THSD7B: variants seen among roughly 807,000 people sequenced by gnomAD.
THSD7B encodes the protein thrombospondin type-1 domain-containing protein 7B.
A neutral mutation model predicts 213.6 loss-of-function variants in THSD7B; 138 were observed. That is an observed-to-expected ratio of 0.65 (90% CI 0.56 to 0.74). The LOEUF (loss-of-function observed/expected upper bound fraction) is 0.74, where lower values mean the gene tolerates loss of function less well. THSD7B is among the 30% of genes least tolerant of loss of function. The pLI, the probability that THSD7B is intolerant of heterozygous loss-of-function variation, is 0.00. For synonymous variants in THSD7B, 742 were observed against 687.0 expected, an observed-to-expected ratio of 1.08 and a Z score of -1.25; for missense variants, 1,931 against 1,991.5, an observed-to-expected ratio of 0.97 and a Z score of 0.58.
chr2:136,866,308 A>T (rs1282694506), intron 1 of THSD7B, among the ~76,000 whole-genome samples: 1 of 152,136 alleles, frequency 6.6e-6, no homozygotes, highest in African/African-American at 2.4e-5. Context: ...TCCCGCAGAC[A>T]TCTTCTCATG....
At chr2:136,826,553 C>T (rs1365684187) in intron 1 of THSD7B, among the ~76,000 whole-genome samples, 3 of 152,200 alleles carry the variant, frequency 2.0e-5, no homozygotes, top group Non-Finnish European at 4.4e-5. Flanking sequence ...CTTCTCTCTT[C>T]TTCTCCAAGT....
At chr2:137,125,880 TCTC>T (rs1688621785) in intron 5 of THSD7B, among the ~76,000 whole-genome samples, 1 of 152,158 alleles carries the variant, frequency 6.6e-6, no homozygotes, top group Admixed American at 6.5e-5. Flanking sequence ...AAAACATTAA[TCTC>T]CTTGTACATC....
At chr2:137,649,244 GT>G (rs1683095101) in intron 21 of THSD7B, among the ~76,000 whole-genome samples, 1 of 151,942 alleles carries the variant, frequency 6.6e-6, no homozygotes, top group South Asian at 2.1e-4. Flanking sequence ...TTTGTTGATT[GT>G]TTGCTATGCA....
At chr2:136,911,636 G>T (rs1376940141) in intron 2 of THSD7B, among the ~76,000 whole-genome samples, 1 of 152,184 alleles carries the variant, frequency 6.6e-6, no homozygotes, top group Non-Finnish European at 1.5e-5. Flanking sequence ...TCATATCTTA[G>T]TGCCATGCCT....
intron 9 of THSD7B, among the ~76,000 whole-genome samples, chr2:137,237,525 A>G (rs973625349): frequency 1.3e-5 from 2 of 152,220 alleles, no homozygotes; most frequent in African/African-American, 4.8e-5. Context: ...ACGATACAAA[A>G]TGGAATTCTA....
chr2:137,395,550 C>T lies in THSD7B; in HGVS notation c.2501-10063C>T, dbSNP rs1686158188. 4.6e-5 allele frequency among the ~76,000 whole-genome samples: 7 copies of T among 152,020 alleles called. No individual in the cohort carries two copies. In the South Asian group the frequency reaches 1.5e-3, roughly 32 times the overall value. On this transcript the variant is annotated intron_variant, in intron 12 of 27. Coordinates refer to ENST00000409968, the MANE Select transcript of THSD7B (RefSeq NM_001316349.2). ...GGTGGATAAGCTTTTTGATGTGCTGCTGGATTTGTTTTGCCAGTATTTTAT... is the reference window on the plus strand; with the variant it reads ...GGTGGATAAGCTTTTTGATGTGCTGTTGGATTTGTTTTGCCAGTATTTTAT...
intron 2 of THSD7B, among the ~76,000 whole-genome samples, chr2:137,030,758 C>A (rs796945681): frequency 9.2e-5 from 14 of 152,086 alleles, no homozygotes; most frequent in African/African-American, 3.1e-4. Flanking sequence ...ATAATGGACA[C>A]TGGAGACTCA....
rs189580217 is a variant in THSD7B at position 137,045,053 on chromosome 2, T to C, written c.140-11367T>C. Reference sequence around the variant, plus strand: ...CTTTTCCAACTCAGTACTTATGTACTGTGGCTGTAACTTTTGCAGTTTGAG... The same window carrying C: ...CTTTTCCAACTCAGTACTTATGTACCGTGGCTGTAACTTTTGCAGTTTGAG... On this transcript the variant is annotated intron_variant, in intron 2 of 27. Coordinates refer to ENST00000409968, the MANE Select transcript of THSD7B (RefSeq NM_001316349.2). 5.9e-5 allele frequency among the ~76,000 whole-genome samples: 9 copies of C among 152,358 alleles called. No homozygotes were observed. The East Asian group carries it at 1.5e-3, about 26-fold the overall frequency.
intron 2 of THSD7B, among the ~76,000 whole-genome samples, chr2:136,898,464 G>A (rs766466629): frequency 3.3e-5 from 5 of 151,908 alleles, no homozygotes; most frequent in Non-Finnish European, 2.9e-5. Context: ...GAGCCACAGC[G>A]CCCAGCCCCA....
chr2:137,310,440 C>A (rs1203312237), intron 12 of THSD7B, among the ~76,000 whole-genome samples: 27 of 148,262 alleles, frequency 1.8e-4, no homozygotes, highest in African/African-American at 6.7e-4. Flanking sequence ...AAAATTTTCT[C>A]CCATTTTGTA....
intron 16 of THSD7B, among the ~76,000 whole-genome samples, chr2:137,564,555 C>T (rs1218095655): frequency 1.3e-5 from 2 of 152,120 alleles, no homozygotes; most frequent in African/African-American, 4.8e-5. Context: ...GTCTTATTCT[C>T]TCATGGTTTT....
At chr2:137,410,627 C>T (rs915244474) in intron 13 of THSD7B, among the ~76,000 whole-genome samples, 1 of 152,036 alleles carries the variant, frequency 6.6e-6, no homozygotes. Context: ...GCCAATCATC[C>T]CATCAGCAAC....
chr2:136,842,262 T>C (rs1435867197), intron 1 of THSD7B, among the ~76,000 whole-genome samples: 1 of 152,186 alleles, frequency 6.6e-6, no homozygotes, highest in Non-Finnish European at 1.5e-5. Flanking sequence ...ATTTTATAGG[T>C]GTCAAAAGCT....
chr2:137,089,880 A>G (rs1046319498), intron 3 of THSD7B, among the ~76,000 whole-genome samples: 6 of 151,870 alleles, frequency 4.0e-5, no homozygotes, highest in Non-Finnish European at 7.4e-5. Flanking sequence ...GTGGTGGTGC[A>G]CCTGTAGTCC....
In THSD7B at chr2:137,389,193, C is replaced by CATATATATATATATATATATATAT. The variant is rs59969102; in HGVS notation, c.2501-16419_2501-16396dup. 7.2e-4 allele frequency among the ~76,000 whole-genome samples: 92 copies of CATATATATATATATATATATATAT among 127,258 alleles called. 2 individuals carry two copies. The highest frequency in any genetic ancestry group is 2.5e-3 in the African/African-American group (82 of 32,312). The allele number at this position is 127,258 out of a possible 152,430, so 83.5% of individuals were successfully genotyped here. On this transcript the variant is annotated intron_variant, in intron 12 of 27. Coordinates refer to ENST00000409968, the MANE Select transcript of THSD7B (RefSeq NM_001316349.2). Reference sequence around the variant, plus strand: ...ATCACCAGTCTCACCATATATCTGTCATATATATATATATATATATATATG... The same window carrying CATATATATATATATATATATATAT: ...ATCACCAGTCTCACCATATATCTGTCATATATATATATATATATATATATATATATATATATATATATATATATG...
chr2:137,491,981 T>C (rs1327302411), intron 15 of THSD7B, among the ~76,000 whole-genome samples: 1 of 152,172 alleles, frequency 6.6e-6, no homozygotes, highest in African/African-American at 2.4e-5. Context: ...ATTTTTTTTT[T>C]CTTGAAGAGT....
intron 2 of THSD7B, among the ~76,000 whole-genome samples, chr2:137,030,874 A>C (rs1439360026): frequency 6.6e-6 from 1 of 152,190 alleles, no homozygotes; most frequent in Non-Finnish European, 1.5e-5. Flanking sequence ...TCACCACTAT[A>C]CAATTATCCA....
intron 3 of THSD7B, among the ~76,000 whole-genome samples, chr2:137,061,218 CTTA>C (rs1687263971): frequency 6.6e-6 from 1 of 151,216 alleles, no homozygotes; most frequent in African/African-American, 2.4e-5. Context: ...GTTATAGTCA[CTTA>C]TTATCCAGAG....
At chr2:137,636,420 C>G (rs1462195626) in intron 20 of THSD7B, among the ~76,000 whole-genome samples, 4 of 152,194 alleles carry the variant, frequency 2.6e-5, no homozygotes, top group African/African-American at 9.6e-5. Context: ...AGATCTCTTA[C>G]AGCTATCATA....
Sources: gnomAD v4.1 joint callset for allele counts (sites outside exome capture counted in the v4.1 genomes callset) on GRCh38, gnomAD v4.1.1 for gene constraint, MANE v1.5 for transcripts, NCBI Gene and HGNC (gene_info 2026-07-23, HGNC 2026-07-21) for gene names.